The following SLC22A4 variants were observed in gnomAD, a reference collection of about 807,000 sequenced individuals.
The protein encoded by SLC22A4 is solute carrier family 22 member 4, also known as ET transporter.
A neutral mutation model predicts 56.6 loss-of-function variants in SLC22A4; 39 were observed. The observed-to-expected ratio is 0.69, with a 90% CI of 0.53 to 0.90. The LOEUF (loss-of-function observed/expected upper bound fraction) is 0.90, where lower values mean the gene tolerates loss of function less well. Ranked by LOEUF, SLC22A4 falls within the 40% of genes least tolerant of loss-of-function variation. The probability of loss-of-function intolerance (pLI) is 0.00; values close to 1 mark genes in which losing one functional copy is unlikely to be tolerated. For synonymous variants in SLC22A4, 241 were observed against 281.4 expected (o/e 0.86, Z 1.44); for missense variants, 594 against 696.5 (o/e 0.85, Z 1.66).
At position 132,334,922 on chromosome 5, in the gene SLC22A4, G is replaced by T. The variant is rs1484495832; in HGVS notation, c.1251G>T (p.Leu417=). 2 of 1,609,320 alleles carry T rather than the reference G, an allele frequency of 1.2e-6. No homozygotes were observed. The highest frequency in any genetic ancestry group is 1.1e-5 in the South Asian group (1 of 90,954). ...GAGGTGTGCTTCTCTTCATTCAACTGGTACCTGTGGGTAAGAAGTTAACCA... is the reference window on the plus strand; with the variant it reads ...GAGGTGTGCTTCTCTTCATTCAACTTGTACCTGTGGGTAAGAAGTTAACCA... ...WGGGVLLFIQ[L]VPVDYYFLSI... is the part of the protein sequence containing the mutation. Residue 417 remains leucine, a synonymous_variant, in exon 7 of 10, where the codon CTG becomes CTT. Coordinates refer to ENST00000200652, the MANE Select transcript of SLC22A4 (RefSeq NM_003059.3).
intron 3 of SLC22A4, among the ~76,000 whole-genome samples, chr5:132,316,837 G>A (rs1580830976): frequency 6.6e-6 from 1 of 152,278 alleles, no homozygotes; most frequent in African/African-American, 2.4e-5. Context: ...AAATTGAACA[G>A]TTGAAATATA....
chr5:132,333,363 C>T (rs1750921092), intron 6 of SLC22A4, among the ~76,000 whole-genome samples: 1 of 152,194 alleles, frequency 6.6e-6, no homozygotes, highest in South Asian at 2.1e-4. Context: ...TACCACCGCT[C>T]CTCTTTTTGA....
At chr5:132,339,587 T>C (rs1751142619) in intron 8 of SLC22A4, among the ~76,000 whole-genome samples, 1 of 152,168 alleles carries the variant, frequency 6.6e-6, no homozygotes, top group Non-Finnish European at 1.5e-5. Flanking sequence ...AAACATATTC[T>C]GCACAGTTGC....
In SLC22A4 at chr5:132,340,582, C is replaced by G; in HGVS notation, c.1462C>G (p.Leu488Val). 1 of 1,613,988 alleles carries G rather than the reference C, an allele frequency of 6.2e-7. No individual in the cohort carries two copies. Residue 488 changes from leucine (L) to valine (V), a missense_variant, in exon 9 of 10, where the codon CTG (leucine) becomes GTG (valine). Leu to Val is a conservative substitution (Grantham distance 32, BLOSUM62 1). Transcript: ENST00000200652. Reference protein sequence around the residue: ...FVYLGAYNRMLPYIVMGSLTV... With the variant: ...FVYLGAYNRMVPYIVMGSLTV... ...CTTTACAGGTGCTTACAACAGAATG[C>G]TGCCCTACATCGTCATGGGTAGTCT...
intron 1 of SLC22A4, among the ~76,000 whole-genome samples, chr5:132,301,561 CAGT>C (rs1749907835): frequency 6.6e-6 from 1 of 152,206 alleles, no homozygotes; most frequent in African/African-American, 2.4e-5. Context: ...GCCTGAACAG[CAGT>C]AGGACTTACT....
At chr5:132,322,076 C>T (rs1305923778) in intron 3 of SLC22A4, 108 bp from the exon 4 acceptor site, 4 of 1,038,266 alleles carry the variant, frequency 3.9e-6, no homozygotes, top group Non-Finnish European at 4.5e-6. Context: ...AAATGCCTTT[C>T]CCCTTTTCTA....
At chr5:132,322,524 G>T (rs1750576110) in intron 4 of SLC22A4, among the ~76,000 whole-genome samples, 169 bp downstream of exon 4, 1 of 152,222 alleles carries the variant, frequency 6.6e-6, no homozygotes. Flanking sequence ...GGGCCTGTGT[G>T]CTGGAGTTTG....
chr5:132,306,209 C>T (rs912529454), intron 1 of SLC22A4, among the ~76,000 whole-genome samples: 2 of 151,258 alleles, frequency 1.3e-5, no homozygotes, highest in Admixed American at 6.6e-5. Flanking sequence ...TACCGTATGA[C>T]CCAACAATTT....
chr5:132,321,717 G>C (rs1166726479), intron 3 of SLC22A4, among the ~76,000 whole-genome samples: 1 of 152,100 alleles, frequency 6.6e-6, no homozygotes, highest in Non-Finnish European at 1.5e-5. Context: ...AGACCAGCCT[G>C]GCCAACATGG....
Position 132,340,632 on chromosome 5 carries a change from C to G in SLC22A4, c.1512C>G (p.Thr504=). ...TGACTGTCCTGATTGGAATCCTCAC[C>G]CTTTTTTTCCCTGAAAGTTTGGGAA... ...GSLTVLIGIL[T]LFFPESLGMT... is the part of the protein sequence containing the mutation. Residue 504 remains threonine (T), a synonymous_variant, in exon 9 of 10, where the codon ACC becomes ACG. Transcript: ENST00000200652. 6.2e-7 allele frequency: 1 copy of G among 1,613,746 alleles called. No homozygotes were observed. Among genetic ancestry groups the G allele is most frequent in the Non-Finnish European group, 8.5e-7 (1 of 1,179,702 alleles).
intron 3 of SLC22A4, among the ~76,000 whole-genome samples, chr5:132,315,372 G>A (rs1270864100): frequency 6.6e-6 from 1 of 152,164 alleles, no homozygotes; most frequent in African/African-American, 2.4e-5. Flanking sequence ...CCGTGGGAAT[G>A]GGAACAAGGT....
intron 5 of SLC22A4, 99 bp downstream of exon 5, chr5:132,327,502 C>T (rs1750721177): frequency 1.0e-6 from 1 of 1,000,048 alleles, no homozygotes; most frequent in Non-Finnish European, 1.6e-6. Flanking sequence ...CACTATGTAC[C>T]AGGCATTGCA....
intron 6 of SLC22A4, among the ~76,000 whole-genome samples, chr5:132,333,124 T>TA (rs1750915295): frequency 6.6e-6 from 1 of 152,176 alleles, no homozygotes; most frequent in African/African-American, 2.4e-5. Flanking sequence ...AAAGATCCAC[T>TA]AGTGTTCCTG....
In SLC22A4 at chr5:132,327,321, T is replaced by G; in HGVS notation, c.869T>G (p.Phe290Cys). 1 of 1,608,406 alleles carries G rather than the reference T, an allele frequency of 6.2e-7. No homozygotes were observed. Among genetic ancestry groups the G allele is most frequent in the South Asian group, 1.1e-5 (1 of 90,932 alleles). The stretch of plus-strand genomic sequence containing the variant: ...CGATGGCTGATATCCCAGAGAAGAT[T>G]TAGAGAGGCTGAAGATATCATCCAA... ...SPRWLISQRRFREAEDIIQKA... is the reference protein window; with the variant it reads ...SPRWLISQRRCREAEDIIQKA... Residue 290 changes from phenylalanine (F) to cysteine (C), a missense_variant, in exon 5 of 10, where the codon TTT (phenylalanine) becomes TGT (cysteine). Transcript: ENST00000200652.
At chr5:132,320,714 A>G (rs1339843413) in intron 3 of SLC22A4, among the ~76,000 whole-genome samples, 1 of 152,226 alleles carries the variant, frequency 6.6e-6, no homozygotes, top group Admixed American at 6.5e-5. Flanking sequence ...TGGTAAAATG[A>G]GAAACCAGCC....
intron 2 of SLC22A4, 35 bp from the exon 3 acceptor site, chr5:132,313,579 A>C (rs761769082): frequency 1.2e-6 from 2 of 1,610,172 alleles, no homozygotes; most frequent in Non-Finnish European, 8.5e-7. Flanking sequence ...GGCAACCTAC[A>C]CATCTCATGT....
chr5:132,337,497 G>A (rs58882372), intron 8 of SLC22A4, among the ~76,000 whole-genome samples: 4 of 150,552 alleles, frequency 2.7e-5, no homozygotes, highest in East Asian at 2.0e-4. Flanking sequence ...GGCTGGTTTC[G>A]AACTCCTGGG....
intron 3 of SLC22A4, among the ~76,000 whole-genome samples, chr5:132,314,949 A>G (rs1750295328): frequency 6.6e-6 from 1 of 152,132 alleles, no homozygotes; most frequent in Non-Finnish European, 1.5e-5. Context: ...AGCAGGCCCC[A>G]GCGGGAGGAG....
intron 1 of SLC22A4, chr5:132,295,360 CAGGCA>C: frequency 1.9e-6 from 1 of 522,262 alleles, no homozygotes; most frequent in Non-Finnish European, 3.8e-6. Flanking sequence ...ACCTTCCTGC[CAGGCA>C]TGGGAGGAGG....
Sources: allele counts gnomAD v4.1 joint callset (sites outside exome capture counted in the v4.1 genomes callset), GRCh38; gene constraint gnomAD v4.1.1; transcripts MANE v1.5; gene names NCBI Gene and HGNC (gene_info 2026-07-23, HGNC 2026-07-21).